The following HTR7 variants were observed in gnomAD, a reference collection of about 807,000 sequenced individuals.
The protein encoded by HTR7 is 5-hydroxytryptamine receptor 7.
A neutral mutation model predicts 34.0 loss-of-function variants in HTR7; 16 were observed. That is an observed-to-expected ratio of 0.47 (90% CI 0.32 to 0.71). The LOEUF (loss-of-function observed/expected upper bound fraction) is 0.71, where lower values mean the gene tolerates loss of function less well. Among genes scored for constraint, HTR7 ranks in the 30% least tolerant of loss-of-function variants. HTR7 has a pLI of 0.04. For synonymous variants in HTR7, 265 were observed against 260.2 expected (o/e 1.02, Z -0.18); for missense variants, 504 against 625.5 (o/e 0.81, Z 2.07).
chr10:90,818,773 C>A (rs1171761163), intron 1 of HTR7, among the ~76,000 whole-genome samples: 1 of 152,162 alleles, frequency 6.6e-6, no homozygotes, highest in Non-Finnish European at 1.5e-5. Flanking sequence ...CCACCCAAAT[C>A]TCAGGTCAAA....
chr10:90,833,261 C>G (rs1846204539), intron 1 of HTR7, among the ~76,000 whole-genome samples: 1 of 152,194 alleles, frequency 6.6e-6, no homozygotes, highest in Non-Finnish European at 1.5e-5. Context: ...AGGGGACCTT[C>G]CAAGCTCTAG....
At chr10:90,798,338 C>G (rs1410737031) in intron 1 of HTR7, among the ~76,000 whole-genome samples, 1 of 152,162 alleles carries the variant, frequency 6.6e-6, no homozygotes, top group African/African-American at 2.4e-5. Context: ...TTAGAATCAC[C>G]TAGGAGCTTT....
At chr10:90,838,883 T>C (rs2120080607) in intron 1 of HTR7, among the ~76,000 whole-genome samples, 1 of 152,356 alleles carries the variant, frequency 6.6e-6, no homozygotes, top group South Asian at 2.1e-4. Context: ...GTGATACTTA[T>C]TACTAACAAA....
chr10:90,839,808 C>T (rs1846300978), intron 1 of HTR7, among the ~76,000 whole-genome samples: 1 of 152,010 alleles, frequency 6.6e-6, no homozygotes, highest in Admixed American at 6.6e-5. Flanking sequence ...GCTAATAAAA[C>T]AACACAATTG....
intron 1 of HTR7, among the ~76,000 whole-genome samples, chr10:90,780,208 C>G (rs140518620): frequency 3.0e-4 from 45 of 152,270 alleles, no homozygotes; most frequent in Non-Finnish European, 5.6e-4. Flanking sequence ...TAGCAAGACC[C>G]TGTCTCTACA....
In HTR7 at chr10:90,857,225, G is replaced by C; in HGVS notation, c.447C>G (p.Ile149Met). 1 of 1,614,156 alleles carries C rather than the reference G, an allele frequency of 6.2e-7. No homozygotes were observed. The highest frequency in any genetic ancestry group is 8.5e-7 in the Non-Finnish European group (1 of 1,180,034). The stretch of plus-strand genomic sequence containing the variant: ...AGACATTACAGAAAAAGTGTCCAAA[G>C]ATCCACTTGCCCCCGATGAGGTCGG... ...SVTDLIGGKW[I>M]FGHFFCNVFI... The change falls in exon 1 of 4, where the codon ATC becomes ATG. Residue 149 changes from isoleucine (I) to methionine (M), a missense_variant. Ile to Met is a conservative substitution (Grantham distance 10). This residue lies in a region of HTR7 where 154 missense variants were observed against 248.8 expected (regional missense o/e 0.62). Coordinates refer to ENST00000336152, the MANE Select transcript of HTR7 (RefSeq NM_019859.4). The surrounding 1 kb of genome is among the most constrained non-coding windows in gnomAD (Gnocchi z 6.5).
At chr10:90,812,283 T>C (rs1047443633) in intron 1 of HTR7, among the ~76,000 whole-genome samples, 22 of 152,108 alleles carry the variant, frequency 1.4e-4, no homozygotes, top group African/African-American at 5.1e-4. Flanking sequence ...CTATTCACCA[T>C]TCTCAGCTAC....
intron 1 of HTR7, among the ~76,000 whole-genome samples, chr10:90,780,112 G>T (rs1845283170): frequency 1.3e-5 from 2 of 152,140 alleles, no homozygotes; most frequent in African/African-American, 4.8e-5. Flanking sequence ...CAGGTGTCGT[G>T]GCTCACACCT....
At chr10:90,803,743 T>C (rs1845664304) in intron 1 of HTR7, among the ~76,000 whole-genome samples, 1 of 152,110 alleles carries the variant, frequency 6.6e-6, no homozygotes, top group South Asian at 2.1e-4. Context: ...CTGTAACAAT[T>C]CTGGATCTTA....
intron 1 of HTR7, among the ~76,000 whole-genome samples, chr10:90,768,363 T>G (rs1221059990): frequency 6.6e-6 from 1 of 152,230 alleles, no homozygotes; most frequent in African/African-American, 2.4e-5. Flanking sequence ...TCATCAAATA[T>G]GAAACATTTT....
chr10:90,834,001 T>C (rs192830832), intron 1 of HTR7, among the ~76,000 whole-genome samples: 9 of 152,374 alleles, frequency 5.9e-5, no homozygotes, highest in South Asian at 2.1e-4. Context: ...CTGTTGTCTA[T>C]CTATAGGTAC....
chr10:90,816,701 T>A (rs545326360), intron 1 of HTR7, among the ~76,000 whole-genome samples: 1 of 152,314 alleles, frequency 6.6e-6, no homozygotes, highest in East Asian at 1.9e-4. Context: ...TAAGAGCCTA[T>A]GAATCTCCCT....
chr10:90,748,768 T>C, intron 2 of HTR7, 71 bp downstream of exon 2: 4 of 1,483,524 alleles, frequency 2.7e-6, no homozygotes, highest in Non-Finnish European at 2.7e-6. Flanking sequence ...GGAAGCTTTC[T>C]GTGATGTGCC....
intron 1 of HTR7, among the ~76,000 whole-genome samples, chr10:90,772,022 A>G (rs544152339): frequency 1.3e-5 from 2 of 152,350 alleles, no homozygotes; most frequent in Admixed American, 1.3e-4. Context: ...GGTCAGAACT[A>G]TAAGCCATTT....
chr10:90,823,797 A>C (rs1846025144), intron 1 of HTR7, among the ~76,000 whole-genome samples: 1 of 152,124 alleles, frequency 6.6e-6, no homozygotes, highest in Non-Finnish European at 1.5e-5. Context: ...TGCTGTTCTC[A>C]TGATAGAGTT....
intron 1 of HTR7, among the ~76,000 whole-genome samples, chr10:90,770,207 C>T (rs2119750444): frequency 6.6e-6 from 1 of 152,084 alleles, no homozygotes; most frequent in East Asian, 1.9e-4. Flanking sequence ...CAGGATGGTG[C>T]TGCGCTCCAT....
chr10:90,835,885 G>T (rs140099075), intron 1 of HTR7, among the ~76,000 whole-genome samples: 1 of 152,002 alleles, frequency 6.6e-6, no homozygotes, highest in Admixed American at 6.6e-5. Context: ...GGCAGACAAG[G>T]GTAGAGCACT....
chr10:90,827,119 G>C (rs537504217), intron 1 of HTR7, among the ~76,000 whole-genome samples: 1 of 151,452 alleles, frequency 6.6e-6, no homozygotes, highest in Non-Finnish European at 1.5e-5. Flanking sequence ...TTTACTAAAA[G>C]GAAGACAGAA....
intron 1 of HTR7, among the ~76,000 whole-genome samples, chr10:90,831,494 A>C (rs1252592310): frequency 2.6e-5 from 4 of 152,022 alleles, no homozygotes; most frequent in Admixed American, 2.0e-4. Flanking sequence ...AGCAGTGTGG[A>C]CCCAAAAAGT....
Sources: gnomAD v4.1 joint callset for allele counts (sites outside exome capture counted in the v4.1 genomes callset) on GRCh38, gnomAD v4.1.1 for gene constraint, gnomAD v4.1.1 regional missense constraint, Gnocchi (gnomAD v3.1) non-coding constraint, MANE v1.5 for transcripts, NCBI Gene and HGNC (gene_info 2026-07-23, HGNC 2026-07-21) for gene names.